RBFOX1: variants seen among roughly 807,000 people sequenced by gnomAD.
The protein encoded by RBFOX1 is RNA binding fox-1 homolog 1.
In RBFOX1, 8 loss-of-function variants were observed where a neutral mutation model predicts 57.7. The ratio of observed to expected loss-of-function variants is 0.14; its 90% CI spans 0.08 to 0.25. RBFOX1 has a LOEUF of 0.25. Ranked by LOEUF, RBFOX1 falls within the 10% of genes least tolerant of loss-of-function variation. RBFOX1 has a pLI of 1.00. For synonymous variants in RBFOX1, 326 were observed against 222.4 expected (o/e 1.47, Z -4.15); for missense variants, 611 against 548.5 (o/e 1.11, Z -1.14).
rs146449846 is a variant in RBFOX1, at chr16:5,425,002, T to C, written c.220-42214T>C. Among the ~76,000 whole-genome samples, 919 of 111,398 alleles carry C rather than the reference T, an allele frequency of 8.2e-3. 35 individuals carry two copies. The highest frequency in any genetic ancestry group is 0.015 in the East Asian group (48 of 3,152). The allele number at this position is 111,398 out of a possible 152,430, so 73.1% of individuals were successfully genotyped here. A position where few individuals can be genotyped will look rare whatever the true frequency, so the allele number is the denominator to read the frequency against. On this transcript the variant is annotated intron_variant, in intron 1 of 2. Transcript: ENST00000585867. ...TCTTTTCTTTTCTTTTCTTTTCTTT[T>C]CTTTTCTTTTCTTTCTTGATTCCTC...
intron 4 of RBFOX1, among the ~76,000 whole-genome samples, chr16:5,986,894 G>C (rs549311717): frequency 6.6e-6 from 1 of 152,166 alleles, no homozygotes; most frequent in African/African-American, 2.4e-5. Flanking sequence ...ATGCCGAAGC[G>C]TACAACTGCC....
rs1245677676 is a variant in RBFOX1, at chr16:5,293,934, CAGTAAAA to C, written c.219+53834_219+53840del. Among the ~76,000 whole-genome samples, 7 of 152,084 alleles carry C rather than the reference CAGTAAAA, an allele frequency of 4.6e-5. No homozygotes were observed. The South Asian group carries it at 6.2e-4, about 13-fold the overall frequency. On this transcript the variant is annotated intron_variant, in intron 1 of 2. Transcript: ENST00000585867. ...CTTGTATGTTGTGTGAATTTTGCCT[CAGTAAAA>C]AGTACTGCCAGGAGCAATGGCTCAT...
chr16:6,444,307 GCCAATGTT>G, intron 2 of RBFOX1, among the ~76,000 whole-genome samples: 1 of 152,164 alleles, frequency 6.6e-6, no homozygotes, highest in Non-Finnish European at 1.5e-5. Context: ...GGCTCCAAAA[GCCAATGTT>G]CCAAGCAGAA....
At chr16:5,304,434 G>T (rs371898875) in intron 1 of RBFOX1, among the ~76,000 whole-genome samples, 4 of 152,106 alleles carry the variant, frequency 2.6e-5, no homozygotes, top group African/African-American at 9.7e-5. Flanking sequence ...ACCTGATTGG[G>T]GCAACTGCGT....
intron 2 of RBFOX1, among the ~76,000 whole-genome samples, chr16:6,645,297 C>G (rs1241847143): frequency 6.6e-6 from 1 of 152,190 alleles, no homozygotes; most frequent in Non-Finnish European, 1.5e-5. Context: ...GCACTAGGGA[C>G]TAGTCGGCTT....
intron 2 of RBFOX1, among the ~76,000 whole-genome samples, chr16:6,449,878 G>T (rs1184422908): frequency 6.6e-6 from 1 of 152,174 alleles, no homozygotes; most frequent in Non-Finnish European, 1.5e-5. Flanking sequence ...CAGTATTCAG[G>T]AAGATTTTGA....
intron 5 of RBFOX1, among the ~76,000 whole-genome samples, chr16:7,578,630 T>C (rs2109441): frequency 0.12 from 17,885 of 152,232 alleles, 1,346 homozygotes; most frequent in South Asian, 0.22. Flanking sequence ...CCCAATTATG[T>C]ACTTCTAGAT....
intron 4 of RBFOX1, among the ~76,000 whole-genome samples, chr16:7,514,964 T>TG (rs2152111299): frequency 6.6e-6 from 1 of 152,338 alleles, no homozygotes; most frequent in East Asian, 1.9e-4. Flanking sequence ...GATCATTGTC[T>TG]GTACCACTGC....
At chr16:6,015,160 G>T (rs2094985759), upstream of RBFOX1, among the ~76,000 whole-genome samples, 1 of 152,032 alleles carries the variant, frequency 6.6e-6, no homozygotes, top group Non-Finnish European at 1.5e-5. Context: ...ACCACCCTCT[G>T]GCCTTCTTAG....
chr16:6,188,573 A>T (rs912609140), intron 1 of RBFOX1, among the ~76,000 whole-genome samples: 1 of 152,220 alleles, frequency 6.6e-6, no homozygotes, highest in Non-Finnish European at 1.5e-5. Flanking sequence ...AACAATCAAT[A>T]TATTTTGTTT....
intron 2 of RBFOX1, among the ~76,000 whole-genome samples, chr16:6,574,258 C>A (rs995106045): frequency 1.3e-5 from 2 of 151,920 alleles, no homozygotes; most frequent in African/African-American, 4.8e-5. Flanking sequence ...ACTGAGGTAA[C>A]ACACGTTGTT....
At chr16:5,586,863 C>T (rs552897268) in intron 2 of RBFOX1, among the ~76,000 whole-genome samples, 1 of 152,264 alleles carries the variant, frequency 6.6e-6, no homozygotes, top group South Asian at 2.1e-4. Flanking sequence ...AGGTTTGGAC[C>T]AGGACAGTAT....
chr16:6,264,860 T>G (rs2097723463), intron 1 of RBFOX1, among the ~76,000 whole-genome samples: 1 of 152,178 alleles, frequency 6.6e-6, no homozygotes, highest in African/African-American at 2.4e-5. Flanking sequence ...CTTGATTACC[T>G]CTGAGTCCAT....
At chr16:7,174,290 G>A (rs13336049) in intron 4 of RBFOX1, among the ~76,000 whole-genome samples, 5,221 of 152,176 alleles carry the variant, frequency 0.034, 291 homozygotes, top group African/African-American at 0.12. Context: ...GGTATGGATG[G>A]ACCACATTTT....
At chr16:7,035,284 C>G (rs1420914816) in intron 3 of RBFOX1, among the ~76,000 whole-genome samples, 1 of 152,104 alleles carries the variant, frequency 6.6e-6, no homozygotes, top group Non-Finnish European at 1.5e-5. Flanking sequence ...CCCCTTCATT[C>G]CTCACCCAGG....
chr16:7,233,645 A>T (rs2093624689), intron 4 of RBFOX1, among the ~76,000 whole-genome samples: 1 of 152,230 alleles, frequency 6.6e-6, no homozygotes, highest in Non-Finnish European at 1.5e-5. Context: ...GTTTCCCTGG[A>T]TGCTGCCCTT....
chr16:6,977,642 C>A lies in RBFOX1; in HGVS notation c.-15-74415C>A, dbSNP rs1487745962. ...TCCAAACGGCAGGCCCCCGGCTGGT[C>A]ATCTCTTTAGCTCTGGCACTAACCG... On this transcript the variant is annotated intron_variant, in intron 3 of 15. Coordinates refer to ENST00000550418, the MANE Select transcript of RBFOX1 (RefSeq NM_018723.4). Among the ~76,000 whole-genome samples, 12 of 152,242 alleles carry A rather than the reference C, an allele frequency of 7.9e-5. No individual in the cohort carries two copies. In the East Asian group the frequency reaches 1.9e-3, roughly 25 times the overall value.
chr16:5,346,548 C>G (rs2065144007), intron 1 of RBFOX1, among the ~76,000 whole-genome samples: 1 of 152,184 alleles, frequency 6.6e-6, no homozygotes, highest in Non-Finnish European at 1.5e-5. Context: ...CTTTATATCA[C>G]CCTACATCTG....
intron 1 of RBFOX1, among the ~76,000 whole-genome samples, chr16:5,386,051 G>T (rs11862946): frequency 6.6e-6 from 1 of 151,550 alleles, no homozygotes; most frequent in Non-Finnish European, 1.5e-5. Context: ...AAGGGACTGT[G>T]TTTGCCAAGA....
Sources: allele counts gnomAD v4.1 joint callset (sites outside exome capture counted in the v4.1 genomes callset), GRCh38; gene constraint gnomAD v4.1.1; transcripts MANE v1.5; gene names NCBI Gene and HGNC (gene_info 2026-07-23, HGNC 2026-07-21).